PCDH7: variants seen among roughly 807,000 people sequenced by gnomAD.
PCDH7 encodes protocadherin-7.
PCDH7 carries 17 observed loss-of-function variants against 58.9 expected under a neutral mutation model. The ratio of observed to expected loss-of-function variants is 0.29; its 90% confidence interval spans 0.20 to 0.43. The LOEUF is 0.43. PCDH7 is among the 20% of genes least tolerant of loss of function. The pLI, the probability that PCDH7 is intolerant of heterozygous loss-of-function variation, is 1.00. For missense variants in PCDH7, 1,274 were observed against 1,441.0 expected, an observed-to-expected ratio of 0.88 and a Z score of 1.88; for synonymous variants, 664 against 616.4, an observed-to-expected ratio of 1.08 and a Z score of -1.14.
At chr4:31,089,056 A>G (rs545436162) in intron 3 of PCDH7, among the ~76,000 whole-genome samples, 1 of 151,900 alleles carries the variant, frequency 6.6e-6, no homozygotes, top group South Asian at 2.1e-4. Flanking sequence ...TCTAATTCTG[A>G]CTCAGTCAGA....
intron 1 of PCDH7, among the ~76,000 whole-genome samples, chr4:30,877,083 G>C (rs1736386684): frequency 6.6e-6 from 1 of 151,986 alleles, no homozygotes; most frequent in Non-Finnish European, 1.5e-5. Context: ...TGATTGAGAA[G>C]CATTATGAAA....
chr4:30,982,805 A>G (rs1750680366), intron 3 of PCDH7, among the ~76,000 whole-genome samples: 1 of 152,166 alleles, frequency 6.6e-6, no homozygotes, highest in Non-Finnish European at 1.5e-5. Context: ...ACATATCCAG[A>G]ACGGGAAGAA....
chr4:30,877,315 C>G (rs569882147), intron 1 of PCDH7, among the ~76,000 whole-genome samples: 1 of 151,790 alleles, frequency 6.6e-6, no homozygotes, highest in Non-Finnish European at 1.5e-5. Flanking sequence ...TATCAAAATC[C>G]GAAAATAATT....
intron 3 of PCDH7, among the ~76,000 whole-genome samples, chr4:30,951,255 C>T (rs1383973525): frequency 6.6e-6 from 1 of 152,140 alleles, no homozygotes; most frequent in African/African-American, 2.4e-5. Flanking sequence ...AATTTACATA[C>T]ATTTTCACCG....
chr4:30,926,041 T>C (rs1246294391), intron 2 of PCDH7: 8 of 152,222 alleles, frequency 5.3e-5, no homozygotes, highest in Non-Finnish European at 1.2e-4. Context: ...AATCATAGGA[T>C]TGCAGAAGGA....
chr4:31,121,385 A>T (rs951291719), intron 3 of PCDH7, among the ~76,000 whole-genome samples: 1 of 152,204 alleles, frequency 6.6e-6, no homozygotes, highest in Non-Finnish European at 1.5e-5. Context: ...AACTGTAGAG[A>T]TACAAATTAG....
At chr4:30,855,991 A>G (rs1247403993) in intron 1 of PCDH7, among the ~76,000 whole-genome samples, 2 of 152,090 alleles carry the variant, frequency 1.3e-5, no homozygotes, top group East Asian at 3.9e-4. Flanking sequence ...AAGTAATTTT[A>G]TTGAAGTACC....
chr4:30,818,348 G>C (rs1002421959), intron 1 of PCDH7, among the ~76,000 whole-genome samples: 2 of 152,040 alleles, frequency 1.3e-5, no homozygotes, highest in South Asian at 4.1e-4. Flanking sequence ...TCTATGGAGC[G>C]GAATAGGAAA....
At chr4:31,096,004 T>G (rs1303197741) in intron 3 of PCDH7, among the ~76,000 whole-genome samples, 2 of 152,200 alleles carry the variant, frequency 1.3e-5, no homozygotes, top group Admixed American at 1.3e-4. Flanking sequence ...CCCTTGGTGT[T>G]GGTAATCTAG....
chr4:30,735,094 C>T (rs756889636), downstream of PCDH7, among the ~76,000 whole-genome samples: 2 of 151,988 alleles, frequency 1.3e-5, no homozygotes, highest in African/African-American at 2.4e-5. Context: ...AAGTAAGAGA[C>T]GCACTGGTCG....
chr4:30,924,101 T>A (rs752667574), intron 2 of PCDH7, among the ~76,000 whole-genome samples: 28 of 152,160 alleles, frequency 1.8e-4, no homozygotes, highest in Non-Finnish European at 2.9e-4. Flanking sequence ...TATACAATGG[T>A]TTCTTTAGGT....
intron 3 of PCDH7, among the ~76,000 whole-genome samples, chr4:31,135,489 CT>C (rs1462372028): frequency 5.9e-5 from 9 of 152,252 alleles, no homozygotes; most frequent in Admixed American, 4.6e-4. Flanking sequence ...GATAGTAGCT[CT>C]GTGTATCACA....
At chr4:30,802,965 C>G (rs569733815) in intron 1 of PCDH7, among the ~76,000 whole-genome samples, 58 of 152,174 alleles carry the variant, frequency 3.8e-4, no homozygotes, top group African/African-American at 1.3e-3. Flanking sequence ...ATTGGCAAGG[C>G]AGCTGCGAGA....
intron 1 of PCDH7, among the ~76,000 whole-genome samples, chr4:30,786,472 G>A (rs759926655): frequency 6.6e-6 from 1 of 151,996 alleles, no homozygotes; most frequent in South Asian, 2.1e-4. Context: ...CTTATACCAT[G>A]CAAACATCTC....
intron 1 of PCDH7, among the ~76,000 whole-genome samples, chr4:30,822,501 T>A (rs1201664359): frequency 6.6e-6 from 1 of 152,190 alleles, no homozygotes; most frequent in African/African-American, 2.4e-5. Flanking sequence ...TTCTGCCTGT[T>A]AAATGGTGCT....
chr4:30,944,362 C>A (rs1407768254), intron 2 of PCDH7, among the ~76,000 whole-genome samples: 3 of 151,886 alleles, frequency 2.0e-5, no homozygotes, highest in Non-Finnish European at 4.4e-5. Flanking sequence ...TTTATTGTGA[C>A]TATTTTCAAA....
At position 31,087,451 on chromosome 4, in the gene PCDH7, C is replaced by A. The variant is rs1365325364; in HGVS notation, c.*8-55022C>A. Among the ~76,000 whole-genome samples, 4 of 152,126 alleles carry A rather than the reference C, an allele frequency of 2.6e-5. No individual in the cohort carries two copies. In the South Asian group the frequency reaches 8.3e-4, roughly 32 times the overall value. On this transcript the variant is annotated intron_variant, in intron 3 of 3. Coordinates refer to the PCDH7 transcript ENST00000509759. ...TTTGGATCTGATATTCTCAGAAAAACCATGTTTTTCTGTACATTAAAATAA... is the reference window on the plus strand; with the variant it reads ...TTTGGATCTGATATTCTCAGAAAAAACATGTTTTTCTGTACATTAAAATAA...
At chr4:31,051,506 T>A (rs966713017) in intron 3 of PCDH7, among the ~76,000 whole-genome samples, 1 of 152,220 alleles carries the variant, frequency 6.6e-6, no homozygotes, top group Non-Finnish European at 1.5e-5. Context: ...GGATTTTATA[T>A]GTAGGTTTTT....
chr4:31,037,411 T>C (rs1755506789), intron 3 of PCDH7, among the ~76,000 whole-genome samples: 1 of 152,226 alleles, frequency 6.6e-6, no homozygotes, highest in South Asian at 2.1e-4. Flanking sequence ...GAGTTCAGCT[T>C]AGATATCAGG....
Sources: gnomAD v4.1 joint callset for allele counts (sites outside exome capture counted in the v4.1 genomes callset) on GRCh38, gnomAD v4.1.1 for gene constraint, MANE v1.5 for transcripts, NCBI Gene and HGNC (gene_info 2026-07-23, HGNC 2026-07-21) for gene names.